Variants in IKZF1 observed in about 807,000 individuals in gnomAD.
IKZF1 encodes DNA-binding protein Ikaros.
In IKZF1, 10 loss-of-function variants were observed where a neutral mutation model predicts 51.7. The ratio of observed to expected loss-of-function variants is 0.19; its 90% CI spans 0.12 to 0.33. The LOEUF (loss-of-function observed/expected upper bound fraction) is 0.33. Among genes scored for constraint, IKZF1 ranks in the 10% least tolerant of loss-of-function variants. The probability of loss-of-function intolerance (pLI) is 1.00; values close to 1 mark genes in which losing one functional copy is unlikely to be tolerated. For missense variants in IKZF1, 484 were observed against 707.5 expected (o/e 0.68, Z 3.58); for synonymous variants, 280 against 282.3 (o/e 0.99, Z 0.08).
chr7:50,349,630 A>G (rs974187373), intron 3 of IKZF1, among the ~76,000 whole-genome samples: 4 of 152,124 alleles, frequency 2.6e-5, no homozygotes, highest in Admixed American at 6.5e-5. Context: ...CCAGAAGTCT[A>G]TCCTGCAGGC....
In IKZF1 at chr7:50,387,334, G is replaced by A; in HGVS notation, c.590-11G>A. On this transcript the variant is annotated splice_polypyrimidine_tract_variant and intron_variant, in intron 5 of 7. Coordinates refer to ENST00000331340, the MANE Select transcript of IKZF1 (RefSeq NM_006060.6). ...TAATTGGGGTCTTGAACTCAATTGTGTTTTCTGCAGTTGGTAAACCTCACA... is the reference window on the plus strand; with the variant it reads ...TAATTGGGGTCTTGAACTCAATTGTATTTTCTGCAGTTGGTAAACCTCACA... 2 of 1,612,282 alleles carry A rather than the reference G, an allele frequency of 1.2e-6. No individual in the cohort carries two copies. Among genetic ancestry groups the A allele is most frequent in the Non-Finnish European group, 1.7e-6 (2 of 1,179,006 alleles).
chr7:50,357,632 A>C (rs183333707), intron 3 of IKZF1, among the ~76,000 whole-genome samples: 1 of 152,094 alleles, frequency 6.6e-6, no homozygotes, highest in Non-Finnish European at 1.5e-5. Context: ...TTTTCCCTCT[A>C]TAATTTCTCT....
intron 7 of IKZF1, among the ~76,000 whole-genome samples, chr7:50,397,437 G>C (rs1817005377): frequency 6.6e-6 from 1 of 152,154 alleles, no homozygotes; most frequent in African/African-American, 2.4e-5. Flanking sequence ...CCCATTTGTT[G>C]TGATACCAAG....
intron 4 of IKZF1, among the ~76,000 whole-genome samples, chr7:50,379,450 A>G (rs1228482925): frequency 2.0e-5 from 3 of 152,234 alleles, no homozygotes; most frequent in Non-Finnish European, 4.4e-5. Context: ...CGGCACCAGC[A>G]CGTCACTTCC....
intron 3 of IKZF1, among the ~76,000 whole-genome samples, chr7:50,347,683 C>T (rs914187398): frequency 2.6e-5 from 4 of 152,144 alleles, no homozygotes; most frequent in African/African-American, 9.7e-5. Flanking sequence ...GGAAATATCA[C>T]TTTGAAAGAA....
At chr7:50,306,991 CAG>C (rs960263305) in intron 1 of IKZF1, among the ~76,000 whole-genome samples, 2 of 152,166 alleles carry the variant, frequency 1.3e-5, no homozygotes, top group Non-Finnish European at 2.9e-5. Context: ...CATATGCACA[CAG>C]AGCGTGCACA....
At chr7:50,393,970 T>A (rs1815966607) in intron 7 of IKZF1, 1 of 232,406 alleles carries the variant, frequency 4.3e-6, no homozygotes, top group African/African-American at 2.2e-5. Context: ...TTTTGGAGAC[T>A]TGAAACCAAA....
At chr7:50,317,832 G>C (rs1231247071) in intron 1 of IKZF1, among the ~76,000 whole-genome samples, 1 of 152,186 alleles carries the variant, frequency 6.6e-6, no homozygotes, top group African/African-American at 2.4e-5. Context: ...CAGCCTAATT[G>C]AGAGGGTAAG....
intron 3 of IKZF1, among the ~76,000 whole-genome samples, chr7:50,356,598 C>T (rs949225168): frequency 1.1e-4 from 17 of 152,164 alleles, no homozygotes; most frequent in African/African-American, 2.9e-4. Flanking sequence ...TGTGTGTGTG[C>T]GCACGCACTC....
intron 3 of IKZF1, among the ~76,000 whole-genome samples, chr7:50,345,923 G>A (rs1239467968): frequency 6.6e-6 from 1 of 152,166 alleles, no homozygotes; most frequent in Non-Finnish European, 1.5e-5. Context: ...GTTCTGCCTG[G>A]TTTGAACATC....
At chr7:50,310,719 G>T (rs1789969212) in intron 1 of IKZF1, among the ~76,000 whole-genome samples, 1 of 152,196 alleles carries the variant, frequency 6.6e-6, no homozygotes, top group South Asian at 2.1e-4. Context: ...AACAAAGTAG[G>T]AATCTAGAAC....
At chr7:50,370,991 G>A (rs758254750) in intron 3 of IKZF1, among the ~76,000 whole-genome samples, 2 of 152,164 alleles carry the variant, frequency 1.3e-5, no homozygotes, top group African/African-American at 2.4e-5. Flanking sequence ...GCACGGCCAG[G>A]CAACTCGGGC....
intron 6 of IKZF1, among the ~76,000 whole-genome samples, chr7:50,389,815 G>A (rs1026892355): frequency 2.6e-5 from 4 of 152,204 alleles, no homozygotes; most frequent in Non-Finnish European, 2.9e-5. Flanking sequence ...TGCTGTACCC[G>A]GATGAGTGGA....
chr7:50,376,717 A>C lies in IKZF1; in HGVS notation c.345A>C (p.Gly115=). ...SGVGGIRLPN[G]KLKCDICGII... is the part of the protein sequence containing the mutation. ...TTGGAGGCATTCGACTTCCTAACGG[A>C]AAACTAAAGTGTGATATCTGTGGGA... Residue 115 remains glycine (G), a synonymous_variant, in exon 4 of 8, where the codon GGA becomes GGC. Coordinates refer to ENST00000331340, the MANE Select transcript of IKZF1 (RefSeq NM_006060.6). The surrounding 1 kb of genome is among the most constrained non-coding windows in gnomAD (Gnocchi z 4.5). 2 of 1,613,984 alleles carry C rather than the reference A, an allele frequency of 1.2e-6. No homozygotes were observed. The highest frequency in any genetic ancestry group is 1.7e-6 in the Non-Finnish European group (2 of 1,179,894).
chr7:50,341,920 T>C (rs1799160922), intron 3 of IKZF1, among the ~76,000 whole-genome samples: 1 of 152,058 alleles, frequency 6.6e-6, no homozygotes, highest in South Asian at 2.1e-4. Context: ...GGGTTACCTA[T>C]TGGACAGGCA....
intron 3 of IKZF1, among the ~76,000 whole-genome samples, chr7:50,364,223 T>A (rs1414655683): frequency 6.6e-6 from 1 of 152,212 alleles, no homozygotes; most frequent in Non-Finnish European, 1.5e-5. Flanking sequence ...AAGTTTATAA[T>A]TTTATGCACA....
At position 50,327,768 on chromosome 7, in the gene IKZF1, C is replaced by A; in HGVS notation, c.160+11C>A. On this transcript the variant is annotated intron_variant, in intron 3 of 7. Coordinates refer to ENST00000331340, the MANE Select transcript of IKZF1 (RefSeq NM_006060.6). ...GTGACAGAGTCGTGGGTAAGTGGGT[C>A]ACCAGCGGCCTCTGTGCCTGTGAAA... The A allele has an allele frequency of 6.2e-7, 1 of 1,603,752 alleles. No individual in the cohort carries two copies. Among genetic ancestry groups the A allele is most frequent in the South Asian group, 1.1e-5 (1 of 89,202 alleles).
Position 50,327,722 on chromosome 7 carries a change from G to T in IKZF1, c.125G>T (p.Gly42Val). The T allele has an allele frequency of 1.2e-6, 2 of 1,613,574 alleles. No individual in the cohort carries two copies. Among genetic ancestry groups the T allele is most frequent in the Non-Finnish European group, 1.7e-6 (2 of 1,179,722 alleles). Residue 42 changes from glycine to valine, a missense_variant, in exon 3 of 8, where the codon GGA becomes GTA. Around this residue, in one of 6 missense-constraint regions of IKZF1, gnomAD observed 118 missense variants for 138.4 expected, o/e 0.85. Coordinates refer to ENST00000331340, the MANE Select transcript of IKZF1 (RefSeq NM_006060.6). ...PIPEDLSTTS[G>V]GQQSSKSDRV... ...CCCGAGGACCTCTCCACCACCTCGG[G>T]AGGACAGCAAAGCTCCAAGAGTGAC...
rs867248224 is a variant in IKZF1 at position 50,400,909 on chromosome 7, G to A, written c.*282G>A. ...GCTGGCTGAGATTCCCTCACCTGTC[G>A]CTTCCTAGAATCCCCTTCTCCAAAC... On this transcript the variant is annotated 3_prime_UTR_variant, in exon 8 of 8. Coordinates refer to ENST00000331340, the MANE Select transcript of IKZF1 (RefSeq NM_006060.6). This position sits in a 1 kb window ranked among gnomAD's most constrained non-coding sequence, Gnocchi z 5.4. 21 of 494,252 alleles carry A rather than the reference G, an allele frequency of 4.2e-5. No homozygotes were observed. Among genetic ancestry groups the A allele is most frequent in the Middle Eastern group, 1.1e-3 (2 of 1,872 alleles). The allele number at this position is 494,252 out of a possible 1,614,324, so 30.6% of individuals were successfully genotyped here.
Sources: gnomAD v4.1 joint callset for allele counts (sites outside exome capture counted in the v4.1 genomes callset) on GRCh38, gnomAD v4.1.1 for gene constraint, gnomAD v4.1.1 regional missense constraint, Gnocchi (gnomAD v3.1) non-coding constraint, MANE v1.5 for transcripts, NCBI Gene and HGNC (gene_info 2026-07-23, HGNC 2026-07-21) for gene names.